The following PRRX2 variants were observed in gnomAD, a reference collection of about 807,000 sequenced individuals.
PRRX2 encodes paired related homeobox 2, also known as paired mesoderm homeobox protein 2.
A neutral mutation model predicts 18.0 loss-of-function variants in PRRX2; 11 were observed. The ratio of observed to expected loss-of-function variants is 0.61; its 90% CI spans 0.39 to 1.01. PRRX2 has a LOEUF of 1.01. Among genes scored for constraint, PRRX2 ranks in the 50% least tolerant of loss-of-function variants. PRRX2 has a pLI of 0.01. For missense variants in PRRX2, 387 were observed against 351.0 expected (o/e 1.10, Z -0.82); for synonymous variants, 177 against 154.8 (o/e 1.14, Z -1.06).
chr9:129,717,462 G>A (rs1588176662), intron 1 of PRRX2, among the ~76,000 whole-genome samples: 2 of 140,268 alleles, frequency 1.4e-5, no homozygotes, highest in South Asian at 2.3e-4. Context: ...TTTGGGAGGC[G>A]AGGCGGGCAG....
At chr9:129,673,666 ACACACACACACAGG>A (rs1367496866) in intron 1 of PRRX2, among the ~76,000 whole-genome samples, 1 of 151,786 alleles carries the variant, frequency 6.6e-6, no homozygotes, top group African/African-American at 2.4e-5. Context: ...ACACACACAC[ACACACACACACAGG>A]CACACACACG....
rs765077601 is a variant in PRRX2, at chr9:129,720,727, C to T, written c.579C>T (p.Thr193=). The change falls in exon 3 of 4, where the codon ACC becomes ACT. Residue 193 remains threonine (T), a synonymous_variant. Coordinates refer to ENST00000372469, the MANE Select transcript of PRRX2 (RefSeq NM_016307.4). ...AGCAGCCCGTGGCTCCCCGGCCCAC[C>T]GCCCTGAGTCCAGATTATCTCTCCT... is the stretch of plus-strand genomic sequence containing the variant. ...AIEQPVAPRP[T]ALSPDYLSWT... 7 of 1,611,820 alleles carry T rather than the reference C, an allele frequency of 4.3e-6. No individual in the cohort carries two copies. The highest frequency in any genetic ancestry group is 4.2e-6 in the Non-Finnish European group (5 of 1,179,176).
chr9:129,701,638 A>G (rs1832498460), intron 1 of PRRX2, among the ~76,000 whole-genome samples: 1 of 152,232 alleles, frequency 6.6e-6, no homozygotes, highest in African/African-American at 2.4e-5. Flanking sequence ...TCTGATCACA[A>G]TCCTAGGCTC....
Position 129,674,066 on chromosome 9 carries a change from T to C in PRRX2, c.259+7940T>C, listed in dbSNP as rs188851101. On this transcript the variant is annotated intron_variant, in intron 1 of 3. Coordinates refer to ENST00000372469, the MANE Select transcript of PRRX2 (RefSeq NM_016307.4). ...AGCATGGCTTACCAGGACACCCCGC[T>C]CTAGCCAGAACCCAGGAGCCACAGA... 2.0e-5 allele frequency among the ~76,000 whole-genome samples: 3 copies of C among 152,188 alleles called. No homozygotes were observed. In the East Asian group the frequency reaches 5.8e-4, roughly 29 times the overall value.
Position 129,708,423 on chromosome 9 carries a change from T to C in PRRX2, c.260-10808T>C, listed in dbSNP as rs186379178. Among the ~76,000 whole-genome samples the C allele has an allele frequency of 5.5e-3, 837 of 152,366 alleles. 4 individuals carry two copies. The highest frequency in any genetic ancestry group is 0.01 in the Non-Finnish European group (714 of 68,032). ...TGATTTGCATTTCCCTGCTGGCTGA[T>C]GATTTTGAGCGTCTTTCTGCCTATT... On this transcript the variant is annotated intron_variant, in intron 1 of 3. Coordinates refer to ENST00000372469, the MANE Select transcript of PRRX2 (RefSeq NM_016307.4).
chr9:129,722,384 C>G lies in PRRX2; in HGVS notation c.*32C>G. ...GTCCCACCAGGACCCAGACGCCTCC[C>G]TGGGTGGACAGCAATAGAAAAGGGG... On this transcript the variant is annotated 3_prime_UTR_variant, in exon 4 of 4. Coordinates refer to ENST00000372469, the MANE Select transcript of PRRX2 (RefSeq NM_016307.4). 6.2e-7 allele frequency: 1 copy of G among 1,610,052 alleles called. No individual in the cohort carries two copies. The highest frequency in any genetic ancestry group is 8.5e-7 in the Non-Finnish European group (1 of 1,178,142).
Position 129,669,126 on chromosome 9 carries a change from C to G in PRRX2, c.259+3000C>G, listed in dbSNP as rs375447194. ...GACACCAATGAGTTAGGAATTAATA[C>G]GTCTTCAATCTGCTGGGATAGCAGG... On this transcript the variant is annotated intron_variant, in intron 1 of 3. Transcript: ENST00000372469. 2.9e-4 allele frequency among the ~76,000 whole-genome samples: 43 copies of G among 150,574 alleles called. No individual in the cohort carries two copies. In the East Asian group the frequency reaches 5.0e-3, roughly 18 times the overall value.
Position 129,722,335 on chromosome 9 carries a change from G to C in PRRX2, c.745G>C (p.Val249Leu), listed in dbSNP as rs1051800830. Reference protein sequence around the residue: ...AKEFSLHHSQVPTVN With the variant: ...AKEFSLHHSQLPTVN Reference sequence around the variant, plus strand: ...GGAGTTCAGCCTGCACCACAGCCAGGTGCCTACGGTGAACTGAAGTCCAGT... The same window carrying C: ...GGAGTTCAGCCTGCACCACAGCCAGCTGCCTACGGTGAACTGAAGTCCAGT... The change falls in exon 4 of 4, where the codon GTG becomes CTG. Residue 249 changes from valine (V) to leucine (L), a missense_variant. Val to Leu is a conservative substitution (Grantham distance 32). Coordinates refer to ENST00000372469, the MANE Select transcript of PRRX2 (RefSeq NM_016307.4). 6.2e-6 allele frequency: 10 copies of C among 1,613,866 alleles called. No homozygotes were observed. The highest frequency in any genetic ancestry group is 1.1e-5 in the South Asian group (1 of 91,092).
In PRRX2 at chr9:129,711,778, G is replaced by C. The variant is rs551120803; in HGVS notation, c.260-7453G>C. On this transcript the variant is annotated intron_variant, in intron 1 of 3. Transcript: ENST00000372469. ...CGGCACTCTGCTAGTGAGGCGGACC[G>C]GCCTGAGAGCCAGACCCGGACCGGC... Among the ~76,000 whole-genome samples, 128 of 152,244 alleles carry C rather than the reference G, an allele frequency of 8.4e-4. 1 individual carries two copies. The highest frequency in any genetic ancestry group is 3.0e-3 in the African/African-American group (125 of 41,550).
Position 129,683,935 on chromosome 9 carries a change from C to CT in PRRX2, c.259+17809_259+17810insT, listed in dbSNP as rs549384002. ...CTCCTGTCCCTACCCTCTTCCTGTA[C>CT]AAGGCTATGGCTAACGGGAGCCCCT... On this transcript the variant is annotated intron_variant, in intron 1 of 3. Transcript: ENST00000372469. 8.7e-4 allele frequency among the ~76,000 whole-genome samples: 132 copies of CT among 152,284 alleles called. 1 individual carries two copies. The Middle Eastern group carries it at 0.017, about 20-fold the overall frequency.
At chr9:129,684,512 A>AGAAAT (rs1564147435) in intron 1 of PRRX2, among the ~76,000 whole-genome samples, 1 of 44,780 alleles carries the variant, frequency 2.2e-5, no homozygotes, top group African/African-American at 6.3e-5. Flanking sequence ...ACACACACAC[A>AGAAAT]CACACACACA....
intron 1 of PRRX2, among the ~76,000 whole-genome samples, chr9:129,708,608 G>C (rs1180093637): frequency 1.3e-5 from 2 of 152,142 alleles, no homozygotes; most frequent in African/African-American, 4.8e-5. Context: ...TTTCTATTCT[G>C]TGGGTTGTCT....
chr9:129,717,721 GAAAA>G (rs1832730647), intron 1 of PRRX2, among the ~76,000 whole-genome samples: 1 of 147,304 alleles, frequency 6.8e-6, no homozygotes, highest in African/African-American at 2.5e-5. Flanking sequence ...AAAAGAAAAA[GAAAA>G]AAGAAAGAAA....
intron 1 of PRRX2, among the ~76,000 whole-genome samples, chr9:129,670,262 A>G (rs1157269993): frequency 6.6e-6 from 1 of 151,666 alleles, no homozygotes; most frequent in Admixed American, 6.6e-5. Context: ...GTTCCCATCT[A>G]CTGTGAACAG....
intron 1 of PRRX2, among the ~76,000 whole-genome samples, chr9:129,674,470 G>A (rs1158797151): frequency 1.3e-5 from 2 of 152,148 alleles, no homozygotes; most frequent in African/African-American, 2.4e-5. Context: ...CAGCCAAGGA[G>A]CTGAGGCCTG....
chr9:129,720,838 G>C (rs1180892255), intron 3 of PRRX2, 64 bp downstream of exon 3: 2 of 1,436,786 alleles, frequency 1.4e-6, no homozygotes, highest in African/African-American at 1.4e-5. Context: ...GGGCTTTTCC[G>C]GCCTGGACTC....
chr9:129,720,898 C>A (rs574357283), intron 3 of PRRX2, 124 bp downstream of exon 3: 4 of 1,117,702 alleles, frequency 3.6e-6, no homozygotes, highest in Non-Finnish European at 4.8e-6. Flanking sequence ...CCCCTGGGAT[C>A]TGGGGTACAC....
rs948018548 is a variant in PRRX2, at chr9:129,695,936, C to T, written c.260-23295C>T. ...TCCCATTTTAAGGGTGAACATGGCA[C>T]TTTGATGTGGCCCCATTTCCTTATA... On this transcript the variant is annotated intron_variant, in intron 1 of 3. Transcript: ENST00000372469. The surrounding 1 kb of genome is among the most constrained non-coding windows in gnomAD (Gnocchi z 4.8). 6.6e-6 allele frequency among the ~76,000 whole-genome samples: 1 copy of T among 152,206 alleles called. No individual in the cohort carries two copies. Among genetic ancestry groups the T allele is most frequent in the Non-Finnish European group, 1.5e-5 (1 of 68,042 alleles).
At chr9:129,711,033 A>T (rs1471685101) in intron 1 of PRRX2, among the ~76,000 whole-genome samples, 1 of 152,108 alleles carries the variant, frequency 6.6e-6, no homozygotes, top group African/African-American at 2.4e-5. Flanking sequence ...CTGAAGCCAC[A>T]TGCTGCAGCC....
Sources: allele counts gnomAD v4.1 joint callset (sites outside exome capture counted in the v4.1 genomes callset), GRCh38; gene constraint gnomAD v4.1.1; non-coding constraint Gnocchi (gnomAD v3.1); transcripts MANE v1.5; gene names NCBI Gene and HGNC (gene_info 2026-07-23, HGNC 2026-07-21).